SRBD1: variants seen among roughly 807,000 people sequenced by gnomAD.
SRBD1 encodes S1 RNA binding domain 1, also known as S1 RNA-binding domain-containing protein 1.
A neutral mutation model predicts 115.3 loss-of-function variants in SRBD1; 88 were observed. The observed-to-expected ratio is 0.76, with a 90% CI of 0.64 to 0.91. The LOEUF (loss-of-function observed/expected upper bound fraction) is 0.91, where lower values mean the gene tolerates loss of function less well. Among genes scored for constraint, SRBD1 ranks in the 40% least tolerant of loss-of-function variants. SRBD1 has a pLI of 0.00. For missense variants in SRBD1, 1,385 were observed against 1,177.4 expected, an observed-to-expected ratio of 1.18 and a Z score of -2.58; for synonymous variants, 509 against 407.7, an observed-to-expected ratio of 1.25 and a Z score of -2.99.
intron 20 of SRBD1, 146 bp from the exon 21 acceptor site, chr2:45,389,745 G>C: frequency 1.3e-6 from 1 of 786,596 alleles, no homozygotes; most frequent in Non-Finnish European, 2.0e-6. Flanking sequence ...GCAGACCAAC[G>C]CTTGCCTTCA....
intron 5 of SRBD1, among the ~76,000 whole-genome samples, chr2:45,584,057 C>G (rs1182409330): frequency 6.6e-6 from 1 of 152,082 alleles, no homozygotes; most frequent in Non-Finnish European, 1.5e-5. Context: ...GATCCAAAAC[C>G]CTCAGACTTT....
intron 16 of SRBD1, among the ~76,000 whole-genome samples, chr2:45,440,313 C>T (rs1668625058): frequency 6.6e-6 from 1 of 152,146 alleles, no homozygotes; most frequent in African/African-American, 2.4e-5. Context: ...ATTCTTTCCT[C>T]CAGTAGGTGT....
chr2:45,430,709 G>A (rs28834080), intron 16 of SRBD1, among the ~76,000 whole-genome samples: 113,639 of 152,022 alleles, frequency 0.75, 43,728 homozygotes, highest in African/African-American at 0.89. Context: ...AAACCTAGGC[G>A]ATACCATTCA....
intron 16 of SRBD1, among the ~76,000 whole-genome samples, chr2:45,464,642 G>A (rs1288930553): frequency 2.0e-5 from 3 of 152,064 alleles, no homozygotes; most frequent in African/African-American, 4.8e-5. Context: ...ATATGTTAAC[G>A]AGGCCTTCAC....
At chr2:45,582,247 C>A (rs1266073288) in intron 5 of SRBD1, among the ~76,000 whole-genome samples, 1 of 152,134 alleles carries the variant, frequency 6.6e-6, no homozygotes, top group African/African-American at 2.4e-5. Context: ...CGCTACTGGA[C>A]AGTTATTTTG....
At chr2:45,447,102 A>G (rs1177460308) in intron 16 of SRBD1, 2 of 152,216 alleles carry the variant, frequency 1.3e-5, no homozygotes, top group East Asian at 3.8e-4. Flanking sequence ...TAAAGCAGAA[A>G]TTACTTCTGT....
chr2:45,597,968 A>G (rs1422403588), intron 4 of SRBD1, among the ~76,000 whole-genome samples: 1 of 152,184 alleles, frequency 6.6e-6, no homozygotes, highest in Non-Finnish European at 1.5e-5. Flanking sequence ...ACTGCCAACT[A>G]CCAGAGGTGG....
At chr2:45,458,282 G>C (rs923853707) in intron 16 of SRBD1, among the ~76,000 whole-genome samples, 1 of 152,008 alleles carries the variant, frequency 6.6e-6, no homozygotes, top group Non-Finnish European at 1.5e-5. Context: ...GAAAACATTT[G>C]TTTTATTTTG....
rs781437436 is a variant in SRBD1 at position 45,488,277 on chromosome 2, T to C, written c.1929A>G (p.Lys643=). Residue 643 remains lysine (K), a synonymous_variant, in exon 15 of 21, where the codon AAA becomes AAG. Transcript: ENST00000263736. ...SIYSVSPEAN[K]EMPGLDPNLR... ...AATTAGGGTCCAGCCCTGGCATCTC[T>C]TTGTTAGCTTCAGGGCTGACACTGT... is the stretch of plus-strand genomic sequence containing the variant. 1 of 1,614,032 alleles carries C rather than the reference T, an allele frequency of 6.2e-7. No homozygotes were observed.
At chr2:45,479,616 G>C (rs940327703) in intron 15 of SRBD1, among the ~76,000 whole-genome samples, 1 of 152,192 alleles carries the variant, frequency 6.6e-6, no homozygotes, top group Non-Finnish European at 1.5e-5. Flanking sequence ...AACAGCAAAG[G>C]CTGGTTTGTG....
chr2:45,416,694 T>C (rs1279533102), intron 18 of SRBD1, among the ~76,000 whole-genome samples: 1 of 152,180 alleles, frequency 6.6e-6, no homozygotes, highest in Non-Finnish European at 1.5e-5. Flanking sequence ...AAGCAACATA[T>C]AAGAAACTTT....
chr2:45,493,051 A>G (rs1670347519), intron 14 of SRBD1, among the ~76,000 whole-genome samples: 1 of 152,196 alleles, frequency 6.6e-6, no homozygotes, highest in Non-Finnish European at 1.5e-5. Flanking sequence ...GGCTCTACAA[A>G]TATCTAGCAT....
intron 10 of SRBD1, among the ~76,000 whole-genome samples, chr2:45,559,944 G>C (rs893425891): frequency 3.3e-5 from 5 of 152,022 alleles, no homozygotes; most frequent in African/African-American, 1.2e-4. Flanking sequence ...AGCTGGGTGT[G>C]GTGGTGCGCA....
intron 16 of SRBD1, among the ~76,000 whole-genome samples, chr2:45,422,227 A>T (rs1300851837): frequency 6.6e-6 from 1 of 152,228 alleles, no homozygotes; most frequent in African/African-American, 2.4e-5. Flanking sequence ...CAGCTAAATG[A>T]GTAAGCGACA....
intron 12 of SRBD1, among the ~76,000 whole-genome samples, chr2:45,550,864 T>C (rs1672274363): frequency 6.6e-6 from 1 of 152,138 alleles, no homozygotes; most frequent in Non-Finnish European, 1.5e-5. Flanking sequence ...TTAATAGAGT[T>C]CAAGTCCGAG....
rs568914930 is a variant in SRBD1 at position 45,551,157 on chromosome 2, T to C, written c.1643A>G (p.His548Arg). The C allele has an allele frequency of 6.3e-6, 10 of 1,598,990 alleles. No individual in the cohort carries two copies. The African/African-American group carries it at 1.2e-4, about 19-fold the overall frequency. The stretch of plus-strand genomic sequence containing the variant: ...AGAAATTATAGCTAATTTGCAACCA[T>C]GTTTATAACCAGGATCCACTCCCAT... ...TLMGVDPGYK[H>R]GCKLAIISPT... Residue 548 changes from histidine (H) to arginine (R), a missense_variant, in exon 12 of 21, where the codon CAT (histidine) becomes CGT (arginine). Coordinates refer to ENST00000263736, the MANE Select transcript of SRBD1 (RefSeq NM_018079.5).
rs2103840342 is a variant in SRBD1 at position 45,405,452 on chromosome 2, T to C, written c.2513+7662A>G. Among the ~76,000 whole-genome samples, 3 of 152,270 alleles carry C rather than the reference T, an allele frequency of 2.0e-5. No individual in the cohort carries two copies. The Middle Eastern group carries it at 0.01, about 518-fold the overall frequency. ...AAACATAGAGTTTCCATTGCTAAGA[T>C]ATTCATGAGAAAATCTCTCACAGAC... On this transcript the variant is annotated intron_variant, in intron 19 of 20. Transcript: ENST00000263736.
chr2:45,543,396 G>A (rs546490574), intron 14 of SRBD1, among the ~76,000 whole-genome samples: 1 of 152,314 alleles, frequency 6.6e-6, no homozygotes, highest in East Asian at 1.9e-4. Flanking sequence ...ATATATCATG[G>A]CATTTGTTAA....
chr2:45,410,075 C>T (rs1399102064), intron 19 of SRBD1, among the ~76,000 whole-genome samples: 1 of 152,036 alleles, frequency 6.6e-6, no homozygotes, highest in African/African-American at 2.4e-5. Flanking sequence ...GCAAATAATT[C>T]AATTAGAAAA....
Sources: gnomAD v4.1 joint callset for allele counts (sites outside exome capture counted in the v4.1 genomes callset) on GRCh38, gnomAD v4.1.1 for gene constraint, MANE v1.5 for transcripts, NCBI Gene and HGNC (gene_info 2026-07-23, HGNC 2026-07-21) for gene names.